Variants in SGCZ observed in about 807,000 individuals in gnomAD.
SGCZ encodes sarcoglycan zeta.
Under a neutral mutation model 41.3 loss-of-function variants are expected in SGCZ, and 40 were observed. The ratio of observed to expected loss-of-function variants is 0.97; its 90% CI spans 0.75 to 1.26. The LOEUF (loss-of-function observed/expected upper bound fraction) is 1.26, where lower values mean the gene tolerates loss of function less well. SGCZ is among the 50% of genes most tolerant of loss of function. The pLI, the probability that SGCZ is intolerant of heterozygous loss-of-function variation, is 0.00. For synonymous variants in SGCZ, 206 were observed against 137.5 expected (o/e 1.50, Z -3.49); for missense variants, 552 against 369.8 (o/e 1.49, Z -4.04).
At chr8:14,772,287 G>T (rs1384203649) in intron 1 of SGCZ, among the ~76,000 whole-genome samples, 3 of 152,010 alleles carry the variant, frequency 2.0e-5, no homozygotes, top group African/African-American at 7.2e-5. Context: ...CTCATAATGG[G>T]TTTATAGTGA....
At chr8:14,120,447 A>T (rs1398590602) in intron 5 of SGCZ, among the ~76,000 whole-genome samples, 4 of 152,124 alleles carry the variant, frequency 2.6e-5, no homozygotes, top group Non-Finnish European at 5.9e-5. Context: ...TCATTTAGGA[A>T]CAGGGATATT....
At chr8:14,389,990 G>C (rs1035947506) in intron 2 of SGCZ, among the ~76,000 whole-genome samples, 7 of 151,834 alleles carry the variant, frequency 4.6e-5, no homozygotes, top group African/African-American at 1.7e-4. Flanking sequence ...TTGTAAGTAG[G>C]GGTTTACAGT....
chr8:14,343,712 C>T (rs1321038927), intron 2 of SGCZ, among the ~76,000 whole-genome samples: 1 of 152,096 alleles, frequency 6.6e-6, no homozygotes, highest in Non-Finnish European at 1.5e-5. Context: ...AGGAGACTCA[C>T]AATATCTGAA....
Position 14,088,573 on chromosome 8 carries a change from C to T in SGCZ, c.*1870G>A, listed in dbSNP as rs972371392. Among the ~76,000 whole-genome samples the T allele has an allele frequency of 2.0e-5, 3 of 151,714 alleles. No homozygotes were observed. The highest frequency in any genetic ancestry group is 4.4e-5 in the Non-Finnish European group (3 of 67,810). On this transcript the variant is annotated 3_prime_UTR_variant, in exon 8 of 8. Transcript: ENST00000382080. ...CTCTTATTTTAATATAAATTAAACT[C>T]TTGTGTTATAACTTTGTAAGCAATC... is the stretch of plus-strand genomic sequence containing the variant.
chr8:14,712,511 A>T (rs1299126617), intron 1 of SGCZ, among the ~76,000 whole-genome samples: 1 of 152,182 alleles, frequency 6.6e-6, no homozygotes, highest in African/African-American at 2.4e-5. Flanking sequence ...AGTGAATTTT[A>T]AAAGTGCTTC....
intron 1 of SGCZ, among the ~76,000 whole-genome samples, chr8:15,180,650 C>A (rs1001511378): frequency 1.3e-5 from 2 of 151,738 alleles, no homozygotes; most frequent in Non-Finnish European, 2.9e-5. Flanking sequence ...CTTTGGGAGG[C>A]CAAGGCAGGC....
intron 1 of SGCZ, among the ~76,000 whole-genome samples, chr8:14,754,545 G>C (rs1193718184): frequency 6.6e-6 from 1 of 152,052 alleles, no homozygotes; most frequent in Non-Finnish European, 1.5e-5. Flanking sequence ...ATATATTATA[G>C]GAATCCAGAA....
chr8:15,153,330 C>T (rs950444661), intron 1 of SGCZ, among the ~76,000 whole-genome samples: 1 of 152,138 alleles, frequency 6.6e-6, no homozygotes, highest in African/African-American at 2.4e-5. Context: ...TACTGAAGTC[C>T]ATGTTGAAGC....
chr8:14,709,851 T>C lies in SGCZ; in HGVS notation c.40-154925A>G, dbSNP rs560475526. ...TGAGGAATTTTACCATGAGTATCTG[T>C]TGCAATCTACACTACTTTTATGACA... On this transcript the variant is annotated intron_variant, in intron 1 of 7. Transcript: ENST00000382080. Among the ~76,000 whole-genome samples the C allele has an allele frequency of 5.3e-5, 8 of 150,976 alleles. No homozygotes were observed. In the South Asian group the frequency reaches 1.5e-3, roughly 28 times the overall value.
chr8:14,508,921 G>A (rs975582037), intron 2 of SGCZ, among the ~76,000 whole-genome samples: 1 of 152,042 alleles, frequency 6.6e-6, no homozygotes, highest in Non-Finnish European at 1.5e-5. Flanking sequence ...TATTTTAATT[G>A]CATTACTATT....
chr8:15,198,509 G>T (rs1199856430), intron 1 of SGCZ, among the ~76,000 whole-genome samples: 3 of 151,896 alleles, frequency 2.0e-5, no homozygotes, highest in East Asian at 1.9e-4. Context: ...CATCAATCTG[G>T]GATAATTCAT....
At chr8:14,454,272 C>T (rs1267316224) in intron 2 of SGCZ, among the ~76,000 whole-genome samples, 1 of 152,072 alleles carries the variant, frequency 6.6e-6, no homozygotes, top group African/African-American at 2.4e-5. Context: ...CATTTAAAAG[C>T]AAAACAAATC....
At chr8:15,030,335 G>C (rs1168888786) in intron 1 of SGCZ, among the ~76,000 whole-genome samples, 2 of 151,930 alleles carry the variant, frequency 1.3e-5, no homozygotes, top group African/African-American at 4.8e-5. Context: ...TTCTAATATG[G>C]GAACAGTAAT....
intron 1 of SGCZ, among the ~76,000 whole-genome samples, chr8:15,097,668 G>C (rs962562400): frequency 6.6e-6 from 1 of 150,656 alleles, no homozygotes; most frequent in African/African-American, 2.4e-5. Flanking sequence ...AATCTCCTGA[G>C]CCCAGGAGTT....
At chr8:14,342,011 A>T (rs1802728599) in intron 2 of SGCZ, among the ~76,000 whole-genome samples, 1 of 152,322 alleles carries the variant, frequency 6.6e-6, no homozygotes, top group Non-Finnish European at 1.5e-5. Flanking sequence ...GTGACTTTGG[A>T]ACTGGGTAAC....
chr8:14,585,500 C>T (rs1487590808), intron 1 of SGCZ, among the ~76,000 whole-genome samples: 1 of 152,000 alleles, frequency 6.6e-6, no homozygotes, highest in Non-Finnish European at 1.5e-5. Flanking sequence ...TATGGTATTT[C>T]TCCAAAGGTT....
chr8:14,169,835 T>C (rs924903099), intron 4 of SGCZ, among the ~76,000 whole-genome samples: 1 of 152,158 alleles, frequency 6.6e-6, no homozygotes, highest in Admixed American at 6.6e-5. Context: ...AGGCTAGCTG[T>C]ACCTCCATAT....
chr8:14,571,049 A>G (rs1563122792), intron 1 of SGCZ, among the ~76,000 whole-genome samples: 2 of 152,204 alleles, frequency 1.3e-5, no homozygotes, highest in Non-Finnish European at 2.9e-5. Flanking sequence ...AGAACACCTG[A>G]GACTGGGTTT....
chr8:14,608,275 G>GT (rs1345793813), intron 1 of SGCZ, among the ~76,000 whole-genome samples: 3 of 147,120 alleles, frequency 2.0e-5, no homozygotes, highest in Non-Finnish European at 4.5e-5. Context: ...TTTTTTGTAA[G>GT]TGTGGTAAAT....
Sources: allele counts gnomAD v4.1 joint callset (sites outside exome capture counted in the v4.1 genomes callset), GRCh38; gene constraint gnomAD v4.1.1; transcripts MANE v1.5; gene names NCBI Gene and HGNC (gene_info 2026-07-23, HGNC 2026-07-21).